Variants in VPS8 observed in about 807,000 individuals in gnomAD.
VPS8 encodes the protein VPS8 subunit of CORVET complex.
In VPS8, 129 loss-of-function variants were observed where a neutral mutation model predicts 216.4. The ratio of observed to expected loss-of-function variants is 0.60; its 90% CI spans 0.52 to 0.69. The LOEUF (loss-of-function observed/expected upper bound fraction) is 0.69, where lower values mean the gene tolerates loss of function less well. VPS8 is among the 30% of genes least tolerant of loss of function. The probability of loss-of-function intolerance (pLI) is 0.00; values close to 1 mark genes in which losing one functional copy is unlikely to be tolerated. For missense variants in VPS8, 1,531 were observed against 1,683.5 expected (o/e 0.91, Z 1.59); for synonymous variants, 571 against 565.4 (o/e 1.01, Z -0.14).
At chr3:184,820,044 C>T (rs1025280848) in intron 1 of VPS8, among the ~76,000 whole-genome samples, 6 of 152,006 alleles carry the variant, frequency 3.9e-5, no homozygotes, top group Admixed American at 2.0e-4. Context: ...GTGGAAGAGG[C>T]GGAAGAAAAC....
intron 3 of VPS8, among the ~76,000 whole-genome samples, chr3:184,831,050 A>G (rs544612981): frequency 1.3e-5 from 2 of 152,316 alleles, no homozygotes; most frequent in African/African-American, 2.4e-5. Flanking sequence ...CTGGGGGACA[A>G]TCGTATTTAA....
At chr3:185,010,108 C>T (rs1004903977) in intron 45 of VPS8, among the ~76,000 whole-genome samples, 1 of 151,446 alleles carries the variant, frequency 6.6e-6, no homozygotes, top group Admixed American at 6.6e-5. Context: ...TCATAAATCA[C>T]AAGGTAGCAT....
intron 47 of VPS8, among the ~76,000 whole-genome samples, chr3:185,049,845 A>AGTGGT (rs1267921886): frequency 2.6e-5 from 4 of 152,126 alleles, no homozygotes; most frequent in Admixed American, 2.6e-4. Flanking sequence ...CGGAGGAAAG[A>AGTGGT]GTGGTGCTCC....
chr3:184,888,299 T>C (rs2108887699), intron 22 of VPS8, among the ~76,000 whole-genome samples: 1 of 152,294 alleles, frequency 6.6e-6, no homozygotes, highest in African/African-American at 2.4e-5. Flanking sequence ...AGAACATTAC[T>C]TTATATTACA....
chr3:185,024,501 A>G (rs1757085229), intron 46 of VPS8, 112 bp downstream of exon 46: 1 of 1,233,686 alleles, frequency 8.1e-7, no homozygotes, highest in Non-Finnish European at 1.1e-6. Context: ...AATGCTGTCA[A>G]GGGTTATTTC....
chr3:184,901,247 T>C, intron 25 of VPS8: 1 of 370,820 alleles, frequency 2.7e-6, no homozygotes, highest in Non-Finnish European at 4.8e-6. Context: ...TGGAATTATG[T>C]GCTATGTAAC....
chr3:184,967,621 T>C (rs1392979728), intron 39 of VPS8, among the ~76,000 whole-genome samples: 1 of 152,130 alleles, frequency 6.6e-6, no homozygotes, highest in African/African-American at 2.4e-5. Flanking sequence ...GTGGATCACC[T>C]GAGGTCAGGA....
intron 2 of VPS8, among the ~76,000 whole-genome samples, chr3:184,825,707 G>T (rs796079630): frequency 6.6e-6 from 1 of 152,092 alleles, no homozygotes; most frequent in Admixed American, 6.6e-5. Context: ...TCCAAGACCA[G>T]CCTGGCCTTA....
At chr3:184,969,317 C>T (rs1246880771) in intron 39 of VPS8, among the ~76,000 whole-genome samples, 2 of 150,680 alleles carry the variant, frequency 1.3e-5, no homozygotes, top group Non-Finnish European at 2.9e-5. Flanking sequence ...GGGGTTTTGC[C>T]GTTTTGGTCA....
chr3:184,988,762 T>C (rs982722796), intron 42 of VPS8, among the ~76,000 whole-genome samples: 1 of 152,250 alleles, frequency 6.6e-6, no homozygotes, highest in Non-Finnish European at 1.5e-5. Flanking sequence ...TATAACAATA[T>C]CAAATCTTTC....
chr3:184,924,737 C>G, intron 29 of VPS8, 125 bp from the exon 30 acceptor site: 1 of 1,219,606 alleles, frequency 8.2e-7, no homozygotes, highest in South Asian at 1.6e-5. Flanking sequence ...AATTGTTGCA[C>G]AGTCAATAAA....
At chr3:185,035,066 C>T (rs1758694937) in intron 46 of VPS8, among the ~76,000 whole-genome samples, 1 of 152,086 alleles carries the variant, frequency 6.6e-6, no homozygotes, top group African/African-American at 2.4e-5. Flanking sequence ...TGTAACTCTG[C>T]ATAAACCAAT....
intron 16 of VPS8, 42 bp downstream of exon 16, chr3:184,863,109 G>A: frequency 6.3e-7 from 1 of 1,597,570 alleles, no homozygotes; most frequent in Non-Finnish European, 8.5e-7. Context: ...AAAATACTTT[G>A]ATAAACTTGG....
chr3:185,045,639 T>C (rs1280705044), intron 46 of VPS8, among the ~76,000 whole-genome samples: 1 of 152,042 alleles, frequency 6.6e-6, no homozygotes, highest in Non-Finnish European at 1.5e-5. Context: ...AGCATGGTGG[T>C]ACATGCCTAT....
At chr3:184,820,759 A>G (rs1215998831) in intron 1 of VPS8, among the ~76,000 whole-genome samples, 1 of 152,250 alleles carries the variant, frequency 6.6e-6, no homozygotes, top group African/African-American at 2.4e-5. Flanking sequence ...GAACTTGGGA[A>G]GGGGACATAG....
chr3:184,898,910 G>A (rs1216535428), intron 24 of VPS8, among the ~76,000 whole-genome samples: 4 of 152,048 alleles, frequency 2.6e-5, no homozygotes, highest in African/African-American at 9.7e-5. Flanking sequence ...TTAAATTAAT[G>A]CTTGCTTGTT....
chr3:184,999,878 T>A lies in VPS8; in HGVS notation c.4002+17T>A. 6.3e-7 allele frequency: 1 copy of A among 1,591,532 alleles called. No individual in the cohort carries two copies. The highest frequency in any genetic ancestry group is 1.8e-5 in the Admixed American group (1 of 56,020). Reference sequence around the variant, plus strand: ...CCATCACAGGTAAGACTTGTTTTCGTGGCAAAATGGAAATGGTCTTTTCTT... The same window carrying A: ...CCATCACAGGTAAGACTTGTTTTCGAGGCAAAATGGAAATGGTCTTTTCTT... On this transcript the variant is annotated intron_variant, in intron 45 of 47. Transcript: ENST00000625842.
chr3:185,051,838 C>T, intron 47 of VPS8, 38 bp from the exon 48 acceptor site: 3 of 1,527,778 alleles, frequency 2.0e-6, no homozygotes, highest in South Asian at 2.6e-5. Flanking sequence ...CCCTCTGCTC[C>T]CCACAAACCT....
intron 45 of VPS8, among the ~76,000 whole-genome samples, chr3:185,001,466 G>A (rs894683674): frequency 6.6e-6 from 1 of 152,176 alleles, no homozygotes; most frequent in Non-Finnish European, 1.5e-5. Context: ...TGGAAGAGGT[G>A]CATAGGGCAA....
Sources: gnomAD v4.1 joint callset for allele counts (sites outside exome capture counted in the v4.1 genomes callset) on GRCh38, gnomAD v4.1.1 for gene constraint, MANE v1.5 for transcripts, NCBI Gene and HGNC (gene_info 2026-07-23, HGNC 2026-07-21) for gene names.